The following MGAT4C variants were observed in gnomAD, a reference collection of about 807,000 sequenced individuals.
The protein encoded by MGAT4C is MGAT4 family member C, also known as alpha-1,3-mannosyl-glycoprotein 4-beta-N-acetylglucosaminyltransferase C.
MGAT4C carries 19 observed loss-of-function variants against 40.1 expected under a neutral mutation model. The ratio of observed to expected loss-of-function variants is 0.47; its 90% CI spans 0.33 to 0.70. MGAT4C has a LOEUF of 0.70. Among genes scored for constraint, MGAT4C ranks in the 30% least tolerant of loss-of-function variants. The probability of loss-of-function intolerance (pLI) is 0.02; values close to 1 mark genes in which losing one functional copy is unlikely to be tolerated. For synonymous variants in MGAT4C, 181 were observed against 187.1 expected (o/e 0.97, Z 0.27); for missense variants, 491 against 563.2 (o/e 0.87, Z 1.30).
chr12:86,551,572 A>G (rs576956055), intron 2 of MGAT4C, among the ~76,000 whole-genome samples: 9 of 152,208 alleles, frequency 5.9e-5, no homozygotes, highest in African/African-American at 1.9e-4. Context: ...AGCCTGATAA[A>G]CAGCCCTGTG....
At chr12:86,114,943 T>C (rs930284511) in intron 1 of MGAT4C, among the ~76,000 whole-genome samples, 10 of 151,988 alleles carry the variant, frequency 6.6e-5, no homozygotes, top group African/African-American at 2.4e-4. Context: ...AAATCATCTT[T>C]GAACCCACTC....
chr12:86,331,545 G>GAAACACCA (rs1954669208), intron 4 of MGAT4C, among the ~76,000 whole-genome samples: 2 of 152,032 alleles, frequency 1.3e-5, no homozygotes, highest in African/African-American at 4.8e-5. Context: ...GATCTTATTA[G>GAAACACCA]GAAACTGCTG....
At chr12:86,654,586 A>G (rs1384027618) in intron 2 of MGAT4C, among the ~76,000 whole-genome samples, 2 of 151,988 alleles carry the variant, frequency 1.3e-5, no homozygotes, top group Non-Finnish European at 2.9e-5. Context: ...TTTAATATCC[A>G]TTCAACCTGG....
intron 3 of MGAT4C, among the ~76,000 whole-genome samples, chr12:86,427,518 A>G (rs1956953230): frequency 6.6e-6 from 1 of 152,114 alleles, no homozygotes; most frequent in African/African-American, 2.4e-5. Context: ...ACACACACAC[A>G]GACACACTCT....
chr12:86,392,831 G>T (rs191777788), intron 3 of MGAT4C, among the ~76,000 whole-genome samples: 1 of 152,080 alleles, frequency 6.6e-6, no homozygotes, highest in Non-Finnish European at 1.5e-5. Flanking sequence ...CTATGATAAT[G>T]GTTGGAAGAA....
At chr12:86,621,146 C>T (rs1962622845) in intron 2 of MGAT4C, among the ~76,000 whole-genome samples, 1 of 151,570 alleles carries the variant, frequency 6.6e-6, no homozygotes, top group African/African-American at 2.4e-5. Context: ...AATCATTTTT[C>T]AATGGTATTT....
At chr12:86,185,474 C>T (rs748146127) in intron 1 of MGAT4C, among the ~76,000 whole-genome samples, 1 of 152,104 alleles carries the variant, frequency 6.6e-6, no homozygotes, top group Non-Finnish European at 1.5e-5. Flanking sequence ...GTCTTGGGAG[C>T]ACAGTCTTTC....
chr12:86,284,640 T>C (rs890480397), intron 4 of MGAT4C, among the ~76,000 whole-genome samples: 1 of 151,970 alleles, frequency 6.6e-6, no homozygotes, highest in Non-Finnish European at 1.5e-5. Context: ...TGGAATCAAA[T>C]AGGAAACCAT....
chr12:86,383,894 A>G (rs1956002376), intron 3 of MGAT4C, among the ~76,000 whole-genome samples: 1 of 152,154 alleles, frequency 6.6e-6, no homozygotes. Context: ...CAGGGGCAGA[A>G]TGATATTGTT....
At chr12:86,692,879 G>T (rs1326438587) in intron 2 of MGAT4C, among the ~76,000 whole-genome samples, 1 of 152,058 alleles carries the variant, frequency 6.6e-6, no homozygotes, top group African/African-American at 2.4e-5. Flanking sequence ...GAATGTGCTT[G>T]GGATCATGTA....
At position 85,961,734 on chromosome 12, in the gene MGAT4C, C is replaced by T. The variant is rs986498994; in HGVS notation, c.*17555G>A. On this transcript the variant is annotated 3_prime_UTR_variant, in exon 5 of 5. Coordinates refer to ENST00000611864, the MANE Select transcript of MGAT4C (RefSeq NM_001351288.2). The stretch of plus-strand genomic sequence containing the variant: ...AACCTTGTTGGCATGAGAGTTCCCA[C>T]TTTGTATTATAATAGGCAAATTGAT... 6.6e-6 allele frequency: 1 copy of T among 151,864 alleles called. No individual in the cohort carries two copies. The highest frequency in any genetic ancestry group is 2.4e-5 in the African/African-American group (1 of 41,446). 9.4% of individuals were successfully genotyped at this position (151,864 alleles called of 1,614,324 possible). A position where few individuals can be genotyped will look rare whatever the true frequency, so the allele number is the denominator to read the frequency against.
chr12:86,096,434 TTTTC>T (rs1220676127), intron 1 of MGAT4C, among the ~76,000 whole-genome samples: 22 of 151,174 alleles, frequency 1.5e-4, no homozygotes, highest in African/African-American at 4.8e-4. Context: ...CCTTCCTTTT[TTTTC>T]TTTCTTTCAT....
At chr12:86,236,687 G>A (rs888445732) in intron 1 of MGAT4C, among the ~76,000 whole-genome samples, 3 of 151,748 alleles carry the variant, frequency 2.0e-5, no homozygotes, top group Non-Finnish European at 4.4e-5. Context: ...GTTCTTACAT[G>A]GTCAGTTAAA....
In MGAT4C at chr12:85,962,537, T is replaced by A. The variant is rs1042396797; in HGVS notation, c.*16752A>T. ...ATATGTATGGTTATTACTAAATGTA[T>A]AATACATTTAGTAATGTGATTTGAC... On this transcript the variant is annotated 3_prime_UTR_variant, in exon 5 of 5. Coordinates refer to ENST00000611864, the MANE Select transcript of MGAT4C (RefSeq NM_001351288.2). The A allele has an allele frequency of 1.3e-5, 2 of 150,274 alleles. No homozygotes were observed. The highest frequency in any genetic ancestry group is 1.3e-4 in the Admixed American group (2 of 15,032). The allele number at this position is 150,274 out of a possible 1,614,324, so 9.3% of individuals were successfully genotyped here.
chr12:86,080,157 G>A (rs966866959), intron 1 of MGAT4C, among the ~76,000 whole-genome samples: 3 of 151,942 alleles, frequency 2.0e-5, no homozygotes, highest in African/African-American at 7.3e-5. Context: ...TTTTGTTTCT[G>A]CCTATTTTTC....
At chr12:86,441,331 T>TTA (rs1957223159) in intron 2 of MGAT4C, among the ~76,000 whole-genome samples, 1 of 150,870 alleles carries the variant, frequency 6.6e-6, no homozygotes, top group African/African-American at 2.4e-5. Flanking sequence ...ACTGATTTTT[T>TTA]TTATTATTAT....
chr12:86,138,693 T>C (rs959760479), intron 1 of MGAT4C, among the ~76,000 whole-genome samples: 10 of 146,282 alleles, frequency 6.8e-5, no homozygotes, highest in African/African-American at 2.5e-4. Flanking sequence ...TATATTTCCA[T>C]ATATATCCAT....
intron 1 of MGAT4C, among the ~76,000 whole-genome samples, chr12:86,072,025 T>TC (rs1261020087): frequency 1.4e-5 from 1 of 69,924 alleles, no homozygotes; most frequent in African/African-American, 4.7e-5. Flanking sequence ...TGCATAGGGT[T>TC]TTGTGTGTGT....
intron 1 of MGAT4C, among the ~76,000 whole-genome samples, chr12:86,058,775 A>G (rs934002293): frequency 6.6e-6 from 1 of 152,128 alleles, no homozygotes; most frequent in Admixed American, 6.6e-5. Flanking sequence ...AACTACAACA[A>G]CACATGCTTG....
Sources: gnomAD v4.1 joint callset for allele counts (sites outside exome capture counted in the v4.1 genomes callset) on GRCh38, gnomAD v4.1.1 for gene constraint, MANE v1.5 for transcripts, NCBI Gene and HGNC (gene_info 2026-07-23, HGNC 2026-07-21) for gene names.